PTGER3: variants seen among roughly 807,000 people sequenced by gnomAD.
PTGER3 encodes the protein prostaglandin E receptor 3, also known as prostaglandin E2 receptor EP3 subtype.
PTGER3 carries 22 observed loss-of-function variants against 34.7 expected under a neutral mutation model. The ratio of observed to expected loss-of-function variants is 0.63; its 90% CI spans 0.45 to 0.91. PTGER3 has a LOEUF of 0.91. PTGER3 is among the 40% of genes least tolerant of loss of function. The pLI, the probability that PTGER3 is intolerant of heterozygous loss-of-function variation, is 0.00. For missense variants in PTGER3, 468 were observed against 519.4 expected, an observed-to-expected ratio of 0.90 and a Z score of 0.96; for synonymous variants, 241 against 230.1, an observed-to-expected ratio of 1.05 and a Z score of -0.43.
chr1:70,912,092 C>G (rs545271557), intron 4 of PTGER3, among the ~76,000 whole-genome samples: 4 of 152,050 alleles, frequency 2.6e-5, no homozygotes, highest in Admixed American at 6.6e-5. Context: ...ACCTGCATGG[C>G]CATGGATCAA....
At chr1:70,978,716 T>C (rs1023491994) in intron 2 of PTGER3, among the ~76,000 whole-genome samples, 3 of 152,166 alleles carry the variant, frequency 2.0e-5, no homozygotes, top group Admixed American at 2.0e-4. Flanking sequence ...TCTACTTTGT[T>C]AGAATTTGCA....
intron 2 of PTGER3, among the ~76,000 whole-genome samples, chr1:70,995,998 C>A (rs1373520244): frequency 6.6e-6 from 1 of 152,066 alleles, no homozygotes. Flanking sequence ...GAGATTAAAA[C>A]CTACTCAGTC....
At chr1:70,953,746 CTA>C (rs1357354660) in intron 3 of PTGER3, 1 of 1,531,684 alleles carries the variant, frequency 6.5e-7, no homozygotes, top group Non-Finnish European at 8.8e-7. Flanking sequence ...AGTTTTAATA[CTA>C]TCTTTGCAAC....
chr1:70,871,145 G>A (rs1646154315), intron 4 of PTGER3, among the ~76,000 whole-genome samples: 2 of 152,202 alleles, frequency 1.3e-5, no homozygotes, highest in Admixed American at 6.5e-5. Flanking sequence ...GGTCACACAA[G>A]CATGGTTCTG....
At chr1:71,045,552 C>G (rs978591426) in intron 1 of PTGER3, among the ~76,000 whole-genome samples, 1 of 152,140 alleles carries the variant, frequency 6.6e-6, no homozygotes, top group African/African-American at 2.4e-5. Context: ...CACTTACACA[C>G]GGACATTTCT....
chr1:70,992,419 A>T (rs1433962123), intron 2 of PTGER3, among the ~76,000 whole-genome samples: 1 of 152,234 alleles, frequency 6.6e-6, no homozygotes, highest in East Asian at 1.9e-4. Flanking sequence ...TATACACAAC[A>T]GATAAAAGGG....
intron 2 of PTGER3, chr1:70,953,839 G>T (rs915124355): frequency 3.4e-6 from 3 of 876,730 alleles, no homozygotes; most frequent in Non-Finnish European, 5.0e-6. Context: ...AATATGCAAA[G>T]TTCCTAGAAG....
chr1:71,022,452 A>C (rs10789316), intron 1 of PTGER3, among the ~76,000 whole-genome samples: 50,519 of 151,794 alleles, frequency 0.33, 9,244 homozygotes, highest in South Asian at 0.45. Flanking sequence ...CCTTCCTGTG[A>C]CATAGTGGGT....
rs5703 is a variant in PTGER3, at chr1:70,862,400, A to G, written c.*24-9541T>C. 2.4e-3 allele frequency: 3,314 copies of G among 1,359,638 alleles called. 74 individuals carry two copies. The African/African-American group carries it at 0.045, about 18-fold the overall frequency. The allele number at this position is 1,359,638 out of a possible 1,614,324, so 84.2% of individuals were successfully genotyped here. ...TAGCTGGACACTGCAGGGTTCTCCT[A>G]TTATGTGATAGGCAATAGAAATATT... On this transcript the variant is annotated intron_variant, in intron 4 of 4. Transcript: ENST00000370931.
chr1:70,967,083 C>T (rs563116190), downstream of PTGER3, among the ~76,000 whole-genome samples: 4 of 151,656 alleles, frequency 2.6e-5, no homozygotes, highest in Non-Finnish European at 4.4e-5. Context: ...TCATGTCATG[C>T]CATGTTAAAA....
At chr1:70,999,658 G>A (rs1384874435) in intron 2 of PTGER3, among the ~76,000 whole-genome samples, 39 of 152,180 alleles carry the variant, frequency 2.6e-4, no homozygotes, top group Non-Finnish European at 4.3e-4. Flanking sequence ...TAACTAGGAA[G>A]CACAAGTATC....
At chr1:70,983,475 G>A (rs763365904) in intron 2 of PTGER3, among the ~76,000 whole-genome samples, 32 of 152,016 alleles carry the variant, frequency 2.1e-4, no homozygotes, top group Non-Finnish European at 4.1e-4. Flanking sequence ...AATATTTAGC[G>A]AATGAATGGA....
chr1:70,852,749 G>T, exon 5 of PTGER3: 1 of 1,447,418 alleles, frequency 6.9e-7, no homozygotes, highest in Non-Finnish European at 9.7e-7. Context: ...AGAATAGTTT[G>T]GGAGGTGGGT....
chr1:70,933,220 C>T (rs1648891349), intron 4 of PTGER3, among the ~76,000 whole-genome samples: 1 of 152,086 alleles, frequency 6.6e-6, no homozygotes, highest in Non-Finnish European at 1.5e-5. Context: ...AGACTTATAG[C>T]AGTTTCCCTT....
At chr1:70,959,494 A>G (rs600364) in intron 2 of PTGER3, among the ~76,000 whole-genome samples, 129,849 of 152,028 alleles carry the variant, frequency 0.85, 55,504 homozygotes, top group East Asian at 0.94. Flanking sequence ...CCGAGTAGCT[A>G]GGATTACAGG....
At chr1:70,966,733 G>A (rs557368848), downstream of PTGER3, among the ~76,000 whole-genome samples, 20 of 152,182 alleles carry the variant, frequency 1.3e-4, no homozygotes, top group African/African-American at 4.8e-4. Context: ...GTTTGCTGAG[G>A]ATGGTGGCTT....
At position 71,046,831 on chromosome 1, in the gene PTGER3, G is replaced by A. The variant is rs574294923; in HGVS notation, c.747C>T (p.Asn249=). 3 of 1,614,130 alleles carry A rather than the reference G, an allele frequency of 1.9e-6. No homozygotes were observed. The highest frequency in any genetic ancestry group is 3.3e-4 in the Middle Eastern group (2 of 6,062). Residue 249 remains asparagine, a synonymous_variant, in exon 1 of 4, where the codon AAC becomes AAT. Coordinates refer to ENST00000306666, the MANE Select transcript of PTGER3 (RefSeq NM_198719.2). ...ACACCAGGGCCTTAATGGTGGCCAG[G>A]TTGCAGGAAAAGGTGACTGTCAGCG... is the stretch of plus-strand genomic sequence containing the variant. The part of the protein sequence containing the change: ...LLALTVTFSC[N]LATIKALVSR...
chr1:71,033,202 G>A (rs191268352), intron 1 of PTGER3, among the ~76,000 whole-genome samples: 1 of 152,278 alleles, frequency 6.6e-6, no homozygotes, highest in Non-Finnish European at 1.5e-5. Flanking sequence ...GAGGAAGAGA[G>A]AGGTCCTATT....
At chr1:70,865,256 C>T (rs12134247) in intron 4 of PTGER3, among the ~76,000 whole-genome samples, 6 of 151,908 alleles carry the variant, frequency 3.9e-5, no homozygotes, top group Non-Finnish European at 8.8e-5. Context: ...GAACATGGGA[C>T]TATCAAAAGC....
Sources: gnomAD v4.1 joint callset for allele counts (sites outside exome capture counted in the v4.1 genomes callset) on GRCh38, gnomAD v4.1.1 for gene constraint, MANE v1.5 for transcripts, NCBI Gene and HGNC (gene_info 2026-07-23, HGNC 2026-07-21) for gene names.